RAB11B: variants seen among roughly 807,000 people sequenced by gnomAD.
RAB11B encodes the protein RAB11B, member RAS oncogene family.
Under a neutral mutation model 23.7 loss-of-function variants are expected in RAB11B, and 7 were observed. The observed-to-expected ratio is 0.29, with a 90% CI of 0.17 to 0.55. The LOEUF is 0.55. RAB11B is among the 20% of genes least tolerant of loss of function. The pLI is 0.93. For synonymous variants in RAB11B, 138 were observed against 132.0 expected, an observed-to-expected ratio of 1.05 and a Z score of -0.31; for missense variants, 189 against 320.0, an observed-to-expected ratio of 0.59 and a Z score of 3.12.
intron 1 of RAB11B, among the ~76,000 whole-genome samples, chr19:8,397,470 G>A (rs1392641994): frequency 6.6e-6 from 1 of 152,070 alleles, no homozygotes; most frequent in East Asian, 1.9e-4. Context: ...GGGAGAGCTG[G>A]CTGGGTGCCT....
rs931757183 is a variant in RAB11B at position 8,396,672 on chromosome 19, A to C, written c.41-3191A>C. Among the ~76,000 whole-genome samples the C allele has an allele frequency of 6.5e-5, 9 of 138,214 alleles. No homozygotes were observed. Among genetic ancestry groups the C allele is most frequent in the Admixed American group, 3.0e-4 (4 of 13,434 alleles). 90.7% of individuals were successfully genotyped at this position (138,214 alleles called of 152,430 possible). A position where few individuals can be genotyped will look rare whatever the true frequency, so the allele number is the denominator to read the frequency against. On this transcript the variant is annotated intron_variant, in intron 1 of 4. Transcript: ENST00000328024. The surrounding 1 kb of genome is among the most constrained non-coding windows in gnomAD (Gnocchi z 5.0). Reference sequence around the variant, plus strand: ...GGATCGCACCTGGCGTGTTGGGGGAACAGCATGGAGGCCTGTGTGGCTGGA... The same window carrying C: ...GGATCGCACCTGGCGTGTTGGGGGACCAGCATGGAGGCCTGTGTGGCTGGA...
intron 1 of RAB11B, among the ~76,000 whole-genome samples, chr19:8,391,801 G>A (rs978228707): frequency 6.6e-6 from 1 of 151,812 alleles, no homozygotes; most frequent in African/African-American, 2.4e-5. Context: ...TCTGATTGTG[G>A]GGAATGAGGC....
At chr19:8,403,266 G>A in intron 4 of RAB11B, 147 bp from the exon 5 acceptor site, 1 of 1,007,134 alleles carries the variant, frequency 9.9e-7, no homozygotes. Flanking sequence ...CTGGCTGGGT[G>A]CGCAGCCCCT....
rs1399238480 is a variant in RAB11B at position 8,402,291 on chromosome 19, G to A, written c.430+12G>A. 2.6e-6 allele frequency: 4 copies of A among 1,548,792 alleles called. No homozygotes were observed. The highest frequency in any genetic ancestry group is 3.5e-6 in the Non-Finnish European group (4 of 1,146,184). The stretch of plus-strand genomic sequence containing the variant: ...CCGCGCCTTCGCAGGTGAGCAGACG[G>A]AGACGCAGGCATCAGAGAGGTGTCT... On this transcript the variant is annotated intron_variant, in intron 3 of 4. Coordinates refer to ENST00000328024, the MANE Select transcript of RAB11B (RefSeq NM_004218.4).
In RAB11B at chr19:8,396,137, C is replaced by T. The variant is rs144346082; in HGVS notation, c.41-3726C>T. On this transcript the variant is annotated intron_variant, in intron 1 of 4. Coordinates refer to ENST00000328024, the MANE Select transcript of RAB11B (RefSeq NM_004218.4). This position sits in a 1 kb window ranked among gnomAD's most constrained non-coding sequence, Gnocchi z 5.0. Reference sequence around the variant, plus strand: ...AAGAGCTTTGTTAGCACAAGCTCATCGAATATTCTCCTTGTTCTTGTTATT... The same window carrying T: ...AAGAGCTTTGTTAGCACAAGCTCATTGAATATTCTCCTTGTTCTTGTTATT... Among the ~76,000 whole-genome samples the T allele has an allele frequency of 2.3e-4, 35 of 152,310 alleles. No individual in the cohort carries two copies. In the East Asian group the frequency reaches 5.6e-3, roughly 24 times the overall value.
At chr19:8,392,912 C>T (rs1267204506) in intron 1 of RAB11B, among the ~76,000 whole-genome samples, 1 of 151,602 alleles carries the variant, frequency 6.6e-6, no homozygotes, top group East Asian at 1.9e-4. Context: ...TCTTGAACTC[C>T]TGACCTCAGG....
intron 1 of RAB11B, 75 bp downstream of exon 1, chr19:8,390,531 A>G: frequency 7.3e-7 from 1 of 1,374,390 alleles, no homozygotes; most frequent in Non-Finnish European, 9.4e-7. Context: ...GCCGCGCTCC[A>G]GGCCGCTGGG....
At chr19:8,401,078 T>A (rs557897601) in intron 2 of RAB11B, among the ~76,000 whole-genome samples, 14 of 151,628 alleles carry the variant, frequency 9.2e-5, no homozygotes, top group South Asian at 4.2e-4. Context: ...TTAATTTATT[T>A]ATTTTTTAGT....
intron 1 of RAB11B, among the ~76,000 whole-genome samples, chr19:8,393,784 C>A (rs1017549397): frequency 2.0e-5 from 3 of 152,116 alleles, no homozygotes; most frequent in Non-Finnish European, 4.4e-5. Flanking sequence ...GGGCACCATT[C>A]CCCTGAAGAG....
chr19:8,401,165 C>T (rs888489346), intron 2 of RAB11B, among the ~76,000 whole-genome samples: 1 of 152,140 alleles, frequency 6.6e-6, no homozygotes, highest in Non-Finnish European at 1.5e-5. Flanking sequence ...ACTGCAAGCT[C>T]TGCCTCCCAG....
In RAB11B at chr19:8,391,447, G is replaced by A. The variant is rs533594562; in HGVS notation, c.40+991G>A. ...CTTCCCCGCCCGAGGGACTGAGGGG[G>A]CTCTAGGAGCATCACATAAGGCCTA... On this transcript the variant is annotated intron_variant, in intron 1 of 4. Coordinates refer to ENST00000328024, the MANE Select transcript of RAB11B (RefSeq NM_004218.4). Among the ~76,000 whole-genome samples, 45 of 152,366 alleles carry A rather than the reference G, an allele frequency of 3.0e-4. No homozygotes were observed. The South Asian group carries it at 9.1e-3, about 31-fold the overall frequency.
chr19:8,391,011 G>A (rs1862105889), intron 1 of RAB11B, among the ~76,000 whole-genome samples: 1 of 152,076 alleles, frequency 6.6e-6, no homozygotes. Flanking sequence ...GGTGAGGTGT[G>A]TGGTGGTGGG....
At position 8,403,853 on chromosome 19, in the gene RAB11B, G is replaced by A. The variant is rs533095940; in HGVS notation, c.*295G>A. The stretch of plus-strand genomic sequence containing the variant: ...CTGGCCAGAGGCGAGGAGGACGGGC[G>A]GACGGCGCCGCCTTCTCCCCTTTTC... On this transcript the variant is annotated 3_prime_UTR_variant, in exon 5 of 5. Transcript: ENST00000328024. 15 of 351,998 alleles carry A rather than the reference G, an allele frequency of 4.3e-5. No homozygotes were observed. The highest frequency in any genetic ancestry group is 1.7e-4 in the African/African-American group (8 of 47,402). 21.8% of individuals were successfully genotyped at this position (351,998 alleles called of 1,614,324 possible).
chr19:8,399,089 G>A (rs1051677298), intron 1 of RAB11B, among the ~76,000 whole-genome samples: 9 of 151,924 alleles, frequency 5.9e-5, no homozygotes, highest in South Asian at 2.1e-4. Flanking sequence ...AGTAGCTGGG[G>A]CTACAGGCGC....
chr19:8,393,664 G>A (rs747063405), intron 1 of RAB11B, among the ~76,000 whole-genome samples: 1 of 152,228 alleles, frequency 6.6e-6, no homozygotes, highest in Non-Finnish European at 1.5e-5. Flanking sequence ...TAGAAGAGCT[G>A]AGACAAGAGT....
rs1971395281 is a variant in RAB11B at position 8,396,171 on chromosome 19, C to T, written c.41-3692C>T. Among the ~76,000 whole-genome samples, 1 of 152,210 alleles carries T rather than the reference C, an allele frequency of 6.6e-6. No individual in the cohort carries two copies. The highest frequency in any genetic ancestry group is 6.5e-5 in the Admixed American group (1 of 15,282). On this transcript the variant is annotated intron_variant, in intron 1 of 4. Coordinates refer to ENST00000328024, the MANE Select transcript of RAB11B (RefSeq NM_004218.4). The surrounding 1 kb of genome is among the most constrained non-coding windows in gnomAD (Gnocchi z 5.0). ...TCCTTGTTCTTGTTATTCTTGGCTTCCAAGCAGCCAACCAGAGCGGGTACC... is the reference window on the plus strand; with the variant it reads ...TCCTTGTTCTTGTTATTCTTGGCTTTCAAGCAGCCAACCAGAGCGGGTACC...
chr19:8,393,236 C>T (rs1199196918), intron 1 of RAB11B, among the ~76,000 whole-genome samples: 1 of 152,206 alleles, frequency 6.6e-6, no homozygotes, highest in Non-Finnish European at 1.5e-5. Context: ...GCCGTGGGAC[C>T]CCAGATTTCT....
Position 8,390,587 on chromosome 19 carries a change from G to C in RAB11B, c.40+131G>C, listed in dbSNP as rs964913155. 15 of 1,020,418 alleles carry C rather than the reference G, an allele frequency of 1.5e-5. No homozygotes were observed. The African/African-American group carries it at 1.7e-4, about 12-fold the overall frequency. 63.2% of individuals were successfully genotyped at this position (1,020,418 alleles called of 1,614,324 possible). On this transcript the variant is annotated intron_variant, in intron 1 of 4. Coordinates refer to ENST00000328024, the MANE Select transcript of RAB11B (RefSeq NM_004218.4). ...TTGGGGCCCGGCGGGTCAGGCAGCC[G>C]GGAAGGCCGGAGCCGACCGGGCAGC... is the stretch of plus-strand genomic sequence containing the variant.
chr19:8,397,585 G>A (rs1971406704), intron 1 of RAB11B, among the ~76,000 whole-genome samples: 1 of 152,104 alleles, frequency 6.6e-6, no homozygotes, highest in African/African-American at 2.4e-5. Context: ...GAGGTGGAGT[G>A]AGTGAGTGTA....
Sources: allele counts gnomAD v4.1 joint callset (sites outside exome capture counted in the v4.1 genomes callset), GRCh38; gene constraint gnomAD v4.1.1; non-coding constraint Gnocchi (gnomAD v3.1); transcripts MANE v1.5; gene names NCBI Gene and HGNC (gene_info 2026-07-23, HGNC 2026-07-21).